Variants in IP6K2 observed in about 807,000 individuals in gnomAD.
IP6K2 encodes the protein inositol hexakisphosphate kinase 2, also known as ATP:1D-myo-inositol-hexakisphosphate phosphotransferase.
In IP6K2, 9 loss-of-function variants were observed where a neutral mutation model predicts 43.3. The ratio of observed to expected loss-of-function variants is 0.21; its 90% CI spans 0.13 to 0.36. The LOEUF is 0.36. IP6K2 is among the 10% of genes least tolerant of loss of function. The pLI, the probability that IP6K2 is intolerant of heterozygous loss-of-function variation, is 1.00. For synonymous variants in IP6K2, 209 were observed against 202.4 expected (o/e 1.03, Z -0.28); for missense variants, 332 against 538.4 (o/e 0.62, Z 3.79).
In IP6K2 at chr3:48,695,362, T is replaced by A; in HGVS notation, c.-71A>T. 3 of 1,508,118 alleles carry A rather than the reference T, an allele frequency of 2.0e-6. No individual in the cohort carries two copies. The highest frequency in any genetic ancestry group is 4.8e-5 in the East Asian group (2 of 41,704). 93.4% of individuals were successfully genotyped at this position (1,508,118 alleles called of 1,614,324 possible). On this transcript the variant is annotated 5_prime_UTR_variant, in exon 2 of 6. Transcript: ENST00000328631. The surrounding 1 kb of genome is among the most constrained non-coding windows in gnomAD (Gnocchi z 4.6). ...AGCGGCCAGTACGTCTTCTGTCTGT[T>A]GTTTGTCCGTGTGTCCCTCTCGTCT...
intron 1 of IP6K2, among the ~76,000 whole-genome samples, chr3:48,699,046 T>C (rs2078728276): frequency 6.6e-6 from 1 of 152,210 alleles, no homozygotes; most frequent in Admixed American, 6.5e-5. Context: ...TAGGTATGTC[T>C]TACCCATCCC....
At chr3:48,701,490 C>G (rs2079027836) in intron 1 of IP6K2, among the ~76,000 whole-genome samples, 1 of 133,068 alleles carries the variant, frequency 7.5e-6, no homozygotes, top group South Asian at 2.4e-4. Context: ...TCACTTGAAC[C>G]CAGGAGGTGG....
intron 1 of IP6K2, among the ~76,000 whole-genome samples, chr3:48,712,660 G>A (rs1032050818): frequency 5.3e-5 from 8 of 152,110 alleles, no homozygotes; most frequent in African/African-American, 1.7e-4. Context: ...AGGCCATAGC[G>A]AGCTATGATC....
chr3:48,694,854 C>T, intron 2 of IP6K2: 1 of 1,537,288 alleles, frequency 6.5e-7, no homozygotes, highest in South Asian at 1.2e-5. Context: ...ACACTTCTAC[C>T]AAAATCAAAC....
At chr3:48,716,655 C>T (rs2081225730) in intron 1 of IP6K2, among the ~76,000 whole-genome samples, 1 of 152,094 alleles carries the variant, frequency 6.6e-6, no homozygotes, top group African/African-American at 2.4e-5. Flanking sequence ...AAATGGCATT[C>T]AACACTCAAA....
chr3:48,699,922 CTCACTCCTTG>C, intron 1 of IP6K2: 1 of 152,104 alleles, frequency 6.6e-6, no homozygotes, highest in East Asian at 1.9e-4. Context: ...GGTACAGTGG[CTCACTCCTTG>C]TAATCCTAGC....
At chr3:48,702,787 T>G (rs1476835680) in intron 1 of IP6K2, among the ~76,000 whole-genome samples, 1 of 152,178 alleles carries the variant, frequency 6.6e-6, no homozygotes, top group Non-Finnish European at 1.5e-5. Flanking sequence ...GAAAACAAGT[T>G]CCATAAGGTC....
chr3:48,693,306 A>T, intron 2 of IP6K2, 127 bp from the exon 3 acceptor site: 1 of 1,100,668 alleles, frequency 9.1e-7, no homozygotes. Flanking sequence ...GAGGCCCCAA[A>T]CTCATCTGCA....
intron 5 of IP6K2, 152 bp downstream of exon 5, chr3:48,689,386 C>G: frequency 1.4e-6 from 1 of 738,840 alleles, no homozygotes; most frequent in Non-Finnish European, 2.1e-6. Context: ...CTCCTGACCT[C>G]AGGTGATCCA....
chr3:48,711,669 T>A (rs778176778), intron 1 of IP6K2, among the ~76,000 whole-genome samples: 13 of 152,334 alleles, frequency 8.5e-5, no homozygotes, highest in Admixed American at 4.6e-4. Context: ...AAATTGAAAA[T>A]GTTTAATAAG....
intron 1 of IP6K2, among the ~76,000 whole-genome samples, chr3:48,705,514 CTAAA>C (rs1193714927): frequency 1.3e-5 from 2 of 152,006 alleles, no homozygotes; most frequent in East Asian, 3.9e-4. Context: ...CAGCCAGTCT[CTAAA>C]TAATTTTTTA....
chr3:48,692,548 C>T (rs2077892751), intron 3 of IP6K2, among the ~76,000 whole-genome samples: 1 of 152,232 alleles, frequency 6.6e-6, no homozygotes, highest in Non-Finnish European at 1.5e-5. Flanking sequence ...ACAAGCTTTG[C>T]CAAGGTGCAA....
At chr3:48,708,746 T>C (rs975777333) in intron 1 of IP6K2, among the ~76,000 whole-genome samples, 2 of 152,172 alleles carry the variant, frequency 1.3e-5, no homozygotes, top group African/African-American at 2.4e-5. Context: ...TTTGCAATCC[T>C]TGAGTCATGG....
Position 48,688,448 on chromosome 3 carries a change from T to C in IP6K2, c.1106A>G (p.Tyr369Cys), listed in dbSNP as rs1428909456. ...SADESAGAYA[Y>C]KPIGASSVDV... ...TACAGAGCTGGCGCCGATGGGTTTGTAGGCATAGGCACCAGCAGACTCATC... is the reference window on the plus strand; with the variant it reads ...TACAGAGCTGGCGCCGATGGGTTTGCAGGCATAGGCACCAGCAGACTCATC... Residue 369 changes from tyrosine to cysteine, a missense_variant, in exon 6 of 6, where the codon TAC becomes TGC. By Grantham distance (194) the Tyr-to-Cys change is radical (BLOSUM62 -2). Coordinates refer to ENST00000328631, the MANE Select transcript of IP6K2 (RefSeq NM_016291.4). This position sits in a 1 kb window ranked among gnomAD's most constrained non-coding sequence, Gnocchi z 5.1. 6.2e-7 allele frequency: 1 copy of C among 1,614,092 alleles called. No individual in the cohort carries two copies. Among genetic ancestry groups the C allele is most frequent in the Non-Finnish European group, 8.5e-7 (1 of 1,180,028 alleles).
chr3:48,715,317 C>A, intron 1 of IP6K2: 2 of 1,536,156 alleles, frequency 1.3e-6, no homozygotes, highest in East Asian at 4.9e-5. Context: ...ATTTTCACCT[C>A]AGTAAGCTGG....
intron 1 of IP6K2, among the ~76,000 whole-genome samples, chr3:48,704,344 C>G (rs2079438828): frequency 6.6e-6 from 1 of 152,178 alleles, no homozygotes; most frequent in African/African-American, 2.4e-5. Flanking sequence ...TTCGCCTCCA[C>G]ATCCAGCAAT....
chr3:48,692,951 C>T lies in IP6K2; in HGVS notation c.428+3G>A. 3 of 1,608,408 alleles carry T rather than the reference C, an allele frequency of 1.9e-6. No homozygotes were observed. Among genetic ancestry groups the T allele is most frequent in the Non-Finnish European group, 1.7e-6 (2 of 1,175,756 alleles). On this transcript the variant is annotated splice_donor_region_variant and intron_variant, in intron 3 of 5. Transcript: ENST00000328631. The stretch of plus-strand genomic sequence containing the variant: ...CCCAGAGTTGCCCTCTGTCTACACT[C>T]ACCTCTTCATTTTCTCCTCTTTACG...
Position 48,688,843 on chromosome 3 carries a change from G to GGTGGT in IP6K2, c.781-75_781-71dup. On this transcript the variant is annotated intron_variant, in intron 5 of 5. Transcript: ENST00000328631. The surrounding 1 kb of genome is among the most constrained non-coding windows in gnomAD (Gnocchi z 5.1). The stretch of plus-strand genomic sequence containing the variant: ...AACCCTGGACCCCGGGCGGGGGTGG[G>GGTGGT]GTGGTGTGGTGGTGGCGGCATGTGA... 6.7e-7 allele frequency: 1 copy of GGTGGT among 1,495,102 alleles called. No homozygotes were observed. Among genetic ancestry groups the GGTGGT allele is most frequent in the Admixed American group, 2.0e-5 (1 of 49,678 alleles). The allele number at this position is 1,495,102 out of a possible 1,614,324, so 92.6% of individuals were successfully genotyped here.
chr3:48,715,993 T>C (rs1242535124), intron 1 of IP6K2, among the ~76,000 whole-genome samples: 1 of 151,836 alleles, frequency 6.6e-6, no homozygotes, highest in Admixed American at 6.6e-5. Context: ...AAAGTATTCA[T>C]TTGGCCCTTT....
Sources: allele counts gnomAD v4.1 joint callset (sites outside exome capture counted in the v4.1 genomes callset), GRCh38; gene constraint gnomAD v4.1.1; non-coding constraint Gnocchi (gnomAD v3.1); transcripts MANE v1.5; gene names NCBI Gene and HGNC (gene_info 2026-07-23, HGNC 2026-07-21).